TMEM135: variants seen among roughly 807,000 people sequenced by gnomAD.
TMEM135 encodes the protein peroxisomal membrane protein 52.
A neutral mutation model predicts 60.3 loss-of-function variants in TMEM135; 30 were observed. The ratio of observed to expected loss-of-function variants is 0.50; its 90% CI spans 0.37 to 0.68. The LOEUF is 0.68. Ranked by LOEUF, TMEM135 falls within the 30% of genes least tolerant of loss-of-function variation. TMEM135 has a pLI of 0.00. For missense variants in TMEM135, 468 were observed against 548.8 expected (o/e 0.85, Z 1.47); for synonymous variants, 190 against 186.7 (o/e 1.02, Z -0.14).
chr11:87,063,655 C>T (rs540958260), intron 1 of TMEM135, among the ~76,000 whole-genome samples: 2 of 152,316 alleles, frequency 1.3e-5, no homozygotes, highest in East Asian at 1.9e-4. Context: ...TACCTTGTGT[C>T]TGGCCTGGCT....
intron 11 of TMEM135, among the ~76,000 whole-genome samples, chr11:87,314,107 G>A (rs1942685596): frequency 6.6e-6 from 1 of 151,686 alleles, no homozygotes; most frequent in African/African-American, 2.4e-5. Context: ...TTAATATTAG[G>A]AGAATATATG....
intron 7 of TMEM135, among the ~76,000 whole-genome samples, chr11:87,298,971 C>T (rs1942397535): frequency 6.6e-6 from 1 of 151,676 alleles, no homozygotes. Flanking sequence ...GCCTGTAATC[C>T]CAGCGACTTG....
chr11:87,107,598 C>CA (rs1565443910), intron 4 of TMEM135, among the ~76,000 whole-genome samples: 1 of 152,104 alleles, frequency 6.6e-6, no homozygotes, highest in African/African-American at 2.4e-5. Flanking sequence ...ATGAACTCAT[C>CA]TTTTTTATGG....
chr11:87,223,445 C>T (rs1049806330), intron 5 of TMEM135, among the ~76,000 whole-genome samples: 3 of 152,068 alleles, frequency 2.0e-5, no homozygotes, highest in African/African-American at 7.2e-5. Context: ...GTTGGGATTA[C>T]ACGCGTGAGC....
At position 87,049,811 on chromosome 11, in the gene TMEM135, C is replaced by T. The variant is rs1321587407; in HGVS notation, c.141+11625C>T. Among the ~76,000 whole-genome samples the T allele has an allele frequency of 2.1e-4, 22 of 102,426 alleles. 3 individuals are homozygous for T. The highest frequency in any genetic ancestry group is 3.8e-4 in the Non-Finnish European group (20 of 53,090). 67.2% of individuals were successfully genotyped at this position (102,426 alleles called of 152,430 possible). A position where few individuals can be genotyped will look rare whatever the true frequency, so the allele number is the denominator to read the frequency against. ...GAATTGAACTCAGCTCTGCACCAAG[C>T]GGACCTAATAGACATCTGCAGAACT... On this transcript the variant is annotated intron_variant, in intron 1 of 14. Transcript: ENST00000305494.
At chr11:87,259,394 G>A (rs769025821) in intron 6 of TMEM135, 5 of 274,786 alleles carry the variant, frequency 1.8e-5, no homozygotes, top group Non-Finnish European at 3.6e-5. Context: ...GTGTATATGT[G>A]TATGTGTGTA....
intron 9 of TMEM135, among the ~76,000 whole-genome samples, chr11:87,306,798 A>C (rs1218805775): frequency 6.6e-6 from 1 of 152,012 alleles, no homozygotes; most frequent in Non-Finnish European, 1.5e-5. Context: ...AGCTCACTGC[A>C]ACCACCATCT....
intron 8 of TMEM135, among the ~76,000 whole-genome samples, 199 bp downstream of exon 8, chr11:87,302,641 A>C (rs574461111): frequency 6.6e-6 from 1 of 152,350 alleles, no homozygotes; most frequent in African/African-American, 2.4e-5. Context: ...AGACCAGCAT[A>C]TGCCTTTAAA....
chr11:87,272,731 G>C (rs1012120862), intron 6 of TMEM135, among the ~76,000 whole-genome samples: 1 of 152,106 alleles, frequency 6.6e-6, no homozygotes, highest in Non-Finnish European at 1.5e-5. Flanking sequence ...CAAAGTTCTG[G>C]AACTACAGAT....
chr11:87,265,294 A>C (rs1477130705), intron 6 of TMEM135, among the ~76,000 whole-genome samples: 2 of 151,952 alleles, frequency 1.3e-5, no homozygotes, highest in African/African-American at 2.4e-5. Context: ...ATGATTTTAG[A>C]ATATTTTCTG....
chr11:87,298,302 A>G (rs1014373202), intron 7 of TMEM135, among the ~76,000 whole-genome samples: 17 of 152,210 alleles, frequency 1.1e-4, no homozygotes, highest in African/African-American at 3.9e-4. Context: ...GAATGGTGAG[A>G]TTGAAAGGAA....
At chr11:87,243,259 T>A (rs1232200424) in intron 6 of TMEM135, among the ~76,000 whole-genome samples, 1 of 140,560 alleles carries the variant, frequency 7.1e-6, no homozygotes, top group Admixed American at 7.1e-5. Flanking sequence ...ACTGTAGCCT[T>A]GTAGTATAGT....
rs1942896115 is a variant in TMEM135 at position 87,325,273 on chromosome 11, TGACTTCTGGAAACA to T, written c.*3943_*3956del. 2.2e-6 allele frequency: 1 copy of T among 453,964 alleles called. No individual in the cohort carries two copies. The highest frequency in any genetic ancestry group is 4.4e-6 in the Non-Finnish European group (1 of 226,788). The allele number at this position is 453,964 out of a possible 1,614,324, so 28.1% of individuals were successfully genotyped here. A position where few individuals can be genotyped will look rare whatever the true frequency, so the allele number is the denominator to read the frequency against. ...GAAATGAAACTGACTCTAGTGTGTG[TGACTTCTGGAAACA>T]GAAGTGGGGCAGTAAGTTGGCCATG... On this transcript the variant is annotated 3_prime_UTR_variant, in exon 15 of 15. Coordinates refer to ENST00000305494, the MANE Select transcript of TMEM135 (RefSeq NM_022918.4).
intron 4 of TMEM135, among the ~76,000 whole-genome samples, chr11:87,149,174 A>C (rs1190107439): frequency 6.6e-6 from 1 of 152,158 alleles, no homozygotes. Context: ...AATTAAGTCT[A>C]TAGCCTTGCT....
intron 4 of TMEM135, among the ~76,000 whole-genome samples, chr11:87,104,718 T>C (rs2135189249): frequency 6.6e-6 from 1 of 152,320 alleles, no homozygotes; most frequent in South Asian, 2.1e-4. Context: ...TATTTTTGAA[T>C]AGTTGAGTAT....
At chr11:87,227,064 A>G (rs566308715) in intron 5 of TMEM135, among the ~76,000 whole-genome samples, 52 of 152,214 alleles carry the variant, frequency 3.4e-4, no homozygotes, top group African/African-American at 1.2e-3. Context: ...AAGAAAAACA[A>G]AAACAAAAAA....
chr11:87,324,623 G>A lies in TMEM135; in HGVS notation c.*3290G>A, dbSNP rs1372668204. 2.3e-6 allele frequency: 1 copy of A among 441,588 alleles called. No homozygotes were observed. The highest frequency in any genetic ancestry group is 1.6e-5 in the South Asian group (1 of 60,812). The allele number at this position is 441,588 out of a possible 1,614,324, so 27.4% of individuals were successfully genotyped here. A position where few individuals can be genotyped will look rare whatever the true frequency, so the allele number is the denominator to read the frequency against. The stretch of plus-strand genomic sequence containing the variant: ...TTTATTTTTTTTTTGTAGAAACAAG[G>A]TGTTGCTATGTTGTCCAGGCTGGTC... On this transcript the variant is annotated 3_prime_UTR_variant, in exon 15 of 15. Transcript: ENST00000305494.
chr11:87,179,904 A>G (rs181992834), intron 5 of TMEM135, among the ~76,000 whole-genome samples: 1 of 152,132 alleles, frequency 6.6e-6, no homozygotes, highest in Non-Finnish European at 1.5e-5. Flanking sequence ...CAACCTGGAG[A>G]TATGACTGAT....
At chr11:87,257,006 C>T (rs760760408) in intron 6 of TMEM135, among the ~76,000 whole-genome samples, 5 of 152,034 alleles carry the variant, frequency 3.3e-5, no homozygotes, top group Admixed American at 2.0e-4. Flanking sequence ...TGATTATATG[C>T]CTTTGTATTT....
Sources: allele counts gnomAD v4.1 joint callset (sites outside exome capture counted in the v4.1 genomes callset), GRCh38; gene constraint gnomAD v4.1.1; transcripts MANE v1.5; gene names NCBI Gene and HGNC (gene_info 2026-07-23, HGNC 2026-07-21).